The following CT45A10 variants were observed in gnomAD, a reference collection of about 807,000 sequenced individuals.
CT45A10 encodes the protein cancer/testis antigen family 45 member A10.
CT45A10 carries 19 observed loss-of-function variants against 8.3 expected under a neutral mutation model. That is an observed-to-expected ratio of 2.30 (90% CI 1.61 to 3.38). CT45A10 has a LOEUF of 3.38. CT45A10 is among the 30% of genes most tolerant of loss of function. The pLI is 0.00. For synonymous variants in CT45A10, 28 were observed against 26.5 expected, an observed-to-expected ratio of 1.06 and a Z score of -0.17; for missense variants, 149 against 85.9, an observed-to-expected ratio of 1.73 and a Z score of -2.90.
chrX:135,889,250 CG>C (rs2148065579), intron 1 of CT45A10: 1 of 168,064 alleles, frequency 6.0e-6, no homozygotes, highest in South Asian at 2.7e-4. Flanking sequence ...TCTCACCCAG[CG>C]GGATGAAATC....
intron 1 of CT45A10, among the ~76,000 whole-genome samples, chrX:135,890,563 T>G (rs1452929598): frequency 1.8e-5 from 2 of 112,345 alleles, no homozygotes; most frequent in African/African-American, 6.5e-5. Context: ...GCCCTTTGGT[T>G]TTTGTTTTTG....
chrX:135,883,239 C>A lies in CT45A10; in HGVS notation c.187G>T (p.Ala63Ser), dbSNP rs1294735861. ...SKEKKLMTGH[A>S]IPPSQLDSQI... Reference sequence around the variant, plus strand: ...GAATCCAATTGGCTGGGTGGAATAGCATGTCCTGTCATAAGCTCTGGTGAA... The same window carrying A: ...GAATCCAATTGGCTGGGTGGAATAGAATGTCCTGTCATAAGCTCTGGTGAA... The change falls in exon 3 of 5, where the codon GCT becomes TCT. Residue 63 changes from alanine to serine, a missense_variant. Ala to Ser is a moderately conservative substitution (Grantham distance 99). Transcript: ENST00000682849. 2.0e-5 allele frequency: 24 copies of A among 1,195,103 alleles called. 1 individual carries two copies. The South Asian group carries it at 4.1e-4, about 21-fold the overall frequency.
At chrX:135,890,469 A>T (rs1241499383) in intron 1 of CT45A10, among the ~76,000 whole-genome samples, 1 of 112,431 alleles carries the variant, frequency 8.9e-6, no homozygotes, top group Non-Finnish European at 1.9e-5. Context: ...TGGACATCTA[A>T]AACTTGGTAA....
In CT45A10 at chrX:135,883,045, T is replaced by G; in HGVS notation, c.381A>C (p.Lys127Asn). Residue 127 changes from lysine to asparagine, a missense_variant, in exon 3 of 5, where the codon AAA becomes AAC. By Grantham distance (94) the Lys-to-Asn change is moderately conservative (BLOSUM62 0). Transcript: ENST00000682849. ...KSQQEINADI[K>N]CQVVKEIRCL... is the part of the protein sequence containing the mutation. ...ATCGGATTTCCTTCACTACTTGACA[T>G]TTTATATCAGCATTAATTTCTTGTT... is the stretch of plus-strand genomic sequence containing the variant. 8.3e-7 allele frequency: 1 copy of G among 1,198,772 alleles called. No homozygotes were observed. Among genetic ancestry groups the G allele is most frequent in the Non-Finnish European group, 1.1e-6 (1 of 885,714 alleles).
At chrX:135,893,230 C>T (rs2088526718) in intron 1 of CT45A10, among the ~76,000 whole-genome samples, 115 bp downstream of exon 1, 1 of 111,388 alleles carries the variant, frequency 9.0e-6, no homozygotes, top group Non-Finnish European at 1.9e-5. Context: ...CCCTACCACA[C>T]ACCCGACAGA....
In CT45A10 at chrX:135,883,025, A is replaced by G. The variant is rs2088401096; in HGVS notation, c.401T>C (p.Ile134Thr). Residue 134 changes from isoleucine to threonine, a missense_variant, in exon 3 of 5, where the codon ATC (isoleucine) becomes ACC (threonine). Transcript: ENST00000682849. ...CTACTTACTTCGTCCAAGGCATCGGATTTCCTTCACTACTTGACATTTTAT... is the reference window on the plus strand; with the variant it reads ...CTACTTACTTCGTCCAAGGCATCGGGTTTCCTTCACTACTTGACATTTTAT... ...ADIKCQVVKE[I>T]RCLGRKYEKI... The G allele has an allele frequency of 8.3e-7, 1 of 1,198,344 alleles. No homozygotes were observed. The highest frequency in any genetic ancestry group is 1.8e-5 in the African/African-American group (1 of 56,992).
rs189531631 is a variant in CT45A10 at position 135,889,612 on chromosome X, A to T, written c.-7+3733T>A. 5.2e-3 allele frequency among the ~76,000 whole-genome samples: 574 copies of T among 111,453 alleles called. 4 individuals carry two copies. The highest frequency in any genetic ancestry group is 0.017 in the African/African-American group (535 of 30,612). On this transcript the variant is annotated intron_variant, in intron 1 of 4. Coordinates refer to ENST00000682849, the MANE Select transcript of CT45A10 (RefSeq NM_001291529.2). The stretch of plus-strand genomic sequence containing the variant: ...ACGCCTGTAATGTCAGCACCTTGGG[A>T]GGCCGAAGTGTCTGGATCACCTGAG...
chrX:135,882,333 T>A (rs2088385979), intron 4 of CT45A10, among the ~76,000 whole-genome samples: 1 of 40,581 alleles, frequency 2.5e-5, no homozygotes, highest in Non-Finnish European at 4.7e-5. Context: ...CAGACTATGG[T>A]GAAAATGGAA....
At chrX:135,890,419 G>A (rs782228290) in intron 1 of CT45A10, among the ~76,000 whole-genome samples, 3 of 112,404 alleles carry the variant, frequency 2.7e-5, no homozygotes, top group Non-Finnish European at 3.8e-5. Flanking sequence ...GAGGATCAAC[G>A]CAGTGGCTGA....
In CT45A10 at chrX:135,892,479, GA is replaced by G. The variant is rs371553881; in HGVS notation, c.-7+865del. ...ATCTGAGGCTATGGCTGAAAGGTCAGATAGAATCCCAGGGAAGAGCTCCCTC... is the reference window on the plus strand; with the variant it reads ...ATCTGAGGCTATGGCTGAAAGGTCAGTAGAATCCCAGGGAAGAGCTCCCTC... On this transcript the variant is annotated intron_variant, in intron 1 of 4. Transcript: ENST00000682849. 1.7e-4 allele frequency among the ~76,000 whole-genome samples: 19 copies of G among 111,493 alleles called. 1 individual carries two copies. The highest frequency in any genetic ancestry group is 5.9e-4 in the African/African-American group (18 of 30,615).
chrX:135,883,789 A>G (rs1430047171), intron 2 of CT45A10, among the ~76,000 whole-genome samples: 10 of 60,194 alleles, frequency 1.7e-4, no homozygotes, highest in African/African-American at 6.4e-4. Context: ...AGAGGCGGCC[A>G]TTACTGCTAA....
chrX:135,893,287 G>C (rs73226717), intron 1 of CT45A10, among the ~76,000 whole-genome samples, 58 bp downstream of exon 1: 13 of 111,757 alleles, frequency 1.2e-4, no homozygotes, highest in African/African-American at 3.9e-4. Context: ...ACACTTTCCC[G>C]GGCGAAATTA....
At position 135,883,055 on chromosome X, in the gene CT45A10, G is replaced by C. The variant is rs1297506755; in HGVS notation, c.371C>G (p.Ala124Gly). 26 of 1,196,993 alleles carry C rather than the reference G, an allele frequency of 2.2e-5. No individual in the cohort carries two copies. Among genetic ancestry groups the C allele is most frequent in the Admixed American group, 1.5e-4 (7 of 45,461 alleles). ...CTTCACTACTTGACATTTTATATCA[G>C]CATTAATTTCTTGTTGGCTTTTGGG... is the stretch of plus-strand genomic sequence containing the variant. ...SSPKSQQEIN[A>G]DIKCQVVKEI... Residue 124 changes from alanine (A) to glycine (G), a missense_variant, in exon 3 of 5, where the codon GCT becomes GGT. Transcript: ENST00000682849.
rs1372409225 is a variant in CT45A10 at position 135,889,497 on chromosome X, A to G, written c.-7+3848T>C. Among the ~76,000 whole-genome samples the G allele has an allele frequency of 3.6e-5, 4 of 110,124 alleles. No individual in the cohort carries two copies. The Admixed American group carries it at 3.8e-4, about 11-fold the overall frequency. On this transcript the variant is annotated intron_variant, in intron 1 of 4. Transcript: ENST00000682849. ...TCCATCAAAAAAAAAAAAAAGAAAGAAAGAAAAAGAAGCAACAACAACAAC... is the reference window on the plus strand; with the variant it reads ...TCCATCAAAAAAAAAAAAAAGAAAGGAAGAAAAAGAAGCAACAACAACAAC...
chrX:135,882,974 A>G (rs1260755810), intron 3 of CT45A10, 34 bp downstream of exon 3: 2 of 1,186,382 alleles, frequency 1.7e-6, no homozygotes, highest in African/African-American at 3.6e-5. Context: ...GACTTCCTAC[A>G]GTTTTATAAA....
chrX:135,889,160 C>T, intron 1 of CT45A10: 2 of 564,938 alleles, frequency 3.5e-6, no homozygotes, highest in Non-Finnish European at 4.3e-6. Context: ...GCAGCCCTCC[C>T]CTTCGTTGAC....
rs1270557418 is a variant in CT45A10, at chrX:135,882,659, T to C, written c.419-30A>G. On this transcript the variant is annotated intron_variant, in intron 3 of 4. Coordinates refer to ENST00000682849, the MANE Select transcript of CT45A10 (RefSeq NM_001291529.2). ...AGATGTTGAAAAAAAAACTTCAGTA[T>C]TATCAAATATAAAGAAGAATAGAAG... 20 of 1,149,922 alleles carry C rather than the reference T, an allele frequency of 1.7e-5. No homozygotes were observed. In the Admixed American group the frequency reaches 2.3e-4, roughly 13 times the overall value. The allele number at this position is 1,149,922 out of a possible 1,213,427, so 94.8% of individuals were successfully genotyped here.
chrX:135,890,360 T>C (rs1261568900), intron 1 of CT45A10, among the ~76,000 whole-genome samples: 1 of 112,378 alleles, frequency 8.9e-6, no homozygotes, highest in African/African-American at 3.2e-5. Flanking sequence ...GGGTAGGCAT[T>C]TGCCCCTGTG....
At chrX:135,882,934 C>T in intron 3 of CT45A10, 74 bp downstream of exon 3, 4 of 1,129,106 alleles carry the variant, frequency 3.5e-6, no homozygotes, top group Non-Finnish European at 4.8e-6. Flanking sequence ...CAAGAGGTAA[C>T]ATGGATATCT....
Sources: allele counts gnomAD v4.1 joint callset (sites outside exome capture counted in the v4.1 genomes callset), GRCh38; gene constraint gnomAD v4.1.1; transcripts MANE v1.5; gene names NCBI Gene and HGNC (gene_info 2026-07-23, HGNC 2026-07-21).